Variants in TBL1XR1 observed in about 807,000 individuals in gnomAD.
The protein encoded by TBL1XR1 is F-box-like/WD repeat-containing protein TBL1XR1.
TBL1XR1 carries 5 observed loss-of-function variants against 66.9 expected under a neutral mutation model. The observed-to-expected ratio is 0.07, with a 90% CI of 0.04 to 0.16. The LOEUF (loss-of-function observed/expected upper bound fraction) is 0.16. Among genes scored for constraint, TBL1XR1 ranks in the 10% least tolerant of loss-of-function variants. The pLI is 1.00. For missense variants in TBL1XR1, 238 were observed against 623.2 expected (o/e 0.38, Z 6.58); for synonymous variants, 210 against 206.0 (o/e 1.02, Z -0.17).
intron 3 of TBL1XR1, among the ~76,000 whole-genome samples, chr3:177,055,872 A>G (rs1473700337): frequency 6.6e-6 from 1 of 152,234 alleles, no homozygotes; most frequent in African/African-American, 2.4e-5. Context: ...CAGAGGGCCT[A>G]TACCATATGC....
At position 177,189,641 on chromosome 3, in the gene TBL1XR1, CTCCATCTCAAAAAAAAAAAAAAA is replaced by C. The variant is rs147065366; in HGVS notation, c.-122+7457_-122+7479del. 7.0e-3 allele frequency among the ~76,000 whole-genome samples: 446 copies of C among 63,432 alleles called. 5 individuals are homozygous for C. Among genetic ancestry groups the C allele is most frequent in the African/African-American group, 0.049 (428 of 8,664 alleles). The allele number at this position is 63,432 out of a possible 152,430, so 41.6% of individuals were successfully genotyped here. A position where few individuals can be genotyped will look rare whatever the true frequency, so the allele number is the denominator to read the frequency against. ...AGCCAGTCTGGGAGACAGAGCAAGACTCCATCTCAAAAAAAAAAAAAAAAGAAGGATGTAACACCAAATTAGTT... is the reference window on the plus strand; with the variant it reads ...AGCCAGTCTGGGAGACAGAGCAAGACAGAAGGATGTAACACCAAATTAGTT... On this transcript the variant is annotated intron_variant, in intron 1 of 15. Transcript: ENST00000457928.
At chr3:177,052,875 G>A (rs921367200) in intron 4 of TBL1XR1, among the ~76,000 whole-genome samples, 4 of 152,076 alleles carry the variant, frequency 2.6e-5, no homozygotes, top group Non-Finnish European at 4.4e-5. Flanking sequence ...AGGCCGAGGT[G>A]GGCAGATTAC....
At chr3:177,107,982 A>T (rs966064396) in intron 1 of TBL1XR1, among the ~76,000 whole-genome samples, 1 of 151,956 alleles carries the variant, frequency 6.6e-6, no homozygotes, top group Admixed American at 6.6e-5. Context: ...ACAATACATT[A>T]AAAAATGAAT....
intron 1 of TBL1XR1, among the ~76,000 whole-genome samples, chr3:177,192,183 G>A (rs949175317): frequency 3.0e-4 from 45 of 151,698 alleles, no homozygotes; most frequent in Non-Finnish European, 7.4e-5. Context: ...AGATCACAAG[G>A]TCAAGAGATG....
At chr3:177,030,570 T>C (rs1035663377) in intron 14 of TBL1XR1, among the ~76,000 whole-genome samples, 22 of 152,118 alleles carry the variant, frequency 1.4e-4, no homozygotes, top group Non-Finnish European at 2.6e-4. Context: ...GTGAACACTT[T>C]ATCTGTATCT....
At chr3:177,067,269 C>T (rs1719291147) in intron 2 of TBL1XR1, among the ~76,000 whole-genome samples, 1 of 152,254 alleles carries the variant, frequency 6.6e-6, no homozygotes, top group Admixed American at 6.5e-5. Flanking sequence ...GAACAATTAG[C>T]AACTATTTTA....
At chr3:177,067,084 T>C (rs1461349320) in intron 2 of TBL1XR1, among the ~76,000 whole-genome samples, 2 of 152,208 alleles carry the variant, frequency 1.3e-5, no homozygotes, top group African/African-American at 2.4e-5. Flanking sequence ...TCCTCAACTT[T>C]AGCCTAACCA....
At chr3:177,119,514 A>G (rs980876113) in intron 1 of TBL1XR1, among the ~76,000 whole-genome samples, 1 of 152,176 alleles carries the variant, frequency 6.6e-6, no homozygotes, top group African/African-American at 2.4e-5. Context: ...TGAGGCAGAG[A>G]AACCTACATA....
At chr3:177,066,321 CAGA>C (rs1200609174) in intron 2 of TBL1XR1, among the ~76,000 whole-genome samples, 7 of 152,066 alleles carry the variant, frequency 4.6e-5, no homozygotes, top group Admixed American at 3.9e-4. Flanking sequence ...TGGACACACA[CAGA>C]AGAAGCCCTA....
At chr3:177,189,945 T>C (rs1647653901) in intron 1 of TBL1XR1, among the ~76,000 whole-genome samples, 1 of 151,334 alleles carries the variant, frequency 6.6e-6, no homozygotes, top group South Asian at 2.1e-4. Flanking sequence ...ACTAAGGAAA[T>C]AATGAAGAAA....
At chr3:177,128,168 A>G (rs1423413838) in intron 1 of TBL1XR1, among the ~76,000 whole-genome samples, 1 of 152,122 alleles carries the variant, frequency 6.6e-6, no homozygotes, top group Non-Finnish European at 1.5e-5. Flanking sequence ...GCAGTAAGCC[A>G]AGATCACACC....
At chr3:177,131,442 TC>T in intron 1 of TBL1XR1, 1 of 953,256 alleles carries the variant, frequency 1.0e-6, no homozygotes, top group Non-Finnish European at 1.2e-6. Flanking sequence ...AGATACTTAT[TC>T]CCACACCTAA....
chr3:177,107,021 C>CT (rs1488253836), intron 1 of TBL1XR1, among the ~76,000 whole-genome samples: 1 of 152,066 alleles, frequency 6.6e-6, no homozygotes, highest in Admixed American at 6.5e-5. Context: ...TAATGAACAC[C>CT]TTCTAAATGA....
At position 177,112,107 on chromosome 3, in the gene TBL1XR1, A is replaced by ATTTT. The variant is rs71170852; in HGVS notation, c.-121-13570_-121-13567dup. 1.2e-3 allele frequency among the ~76,000 whole-genome samples: 46 copies of ATTTT among 37,632 alleles called. 2 individuals carry two copies. Among genetic ancestry groups the ATTTT allele is most frequent in the Admixed American group, 1.6e-3 (4 of 2,524 alleles). The allele number at this position is 37,632 out of a possible 152,430, so 24.7% of individuals were successfully genotyped here. On this transcript the variant is annotated intron_variant, in intron 1 of 15. Coordinates refer to ENST00000457928, the MANE Select transcript of TBL1XR1 (RefSeq NM_024665.7). Reference sequence around the variant, plus strand: ...TATATATATATATATATATATATATATTTTTTTTTTTTTTTTTTGTGAGGG... The same window carrying ATTTT: ...TATATATATATATATATATATATATATTTTTTTTTTTTTTTTTTTTTTGTGAGGG...
chr3:177,058,548 A>C (rs566186274), intron 3 of TBL1XR1, among the ~76,000 whole-genome samples: 1 of 152,360 alleles, frequency 6.6e-6, no homozygotes, highest in East Asian at 1.9e-4. Flanking sequence ...TCCAATGATC[A>C]CTATTTTAAA....
At chr3:177,037,331 G>A (rs893161883) in intron 12 of TBL1XR1, 1 of 152,156 alleles carries the variant, frequency 6.6e-6, no homozygotes, top group African/African-American at 2.4e-5. Context: ...ACAATTTATA[G>A]CATGACCTTT....
intron 1 of TBL1XR1, among the ~76,000 whole-genome samples, chr3:177,193,681 T>C (rs1309038339): frequency 6.6e-6 from 1 of 152,160 alleles, no homozygotes; most frequent in South Asian, 2.1e-4. Context: ...CATTTACCCA[T>C]GTAATCACTC....
intron 1 of TBL1XR1, among the ~76,000 whole-genome samples, chr3:177,143,175 C>G (rs1008261781): frequency 4.0e-5 from 6 of 151,742 alleles, no homozygotes; most frequent in Non-Finnish European, 8.8e-5. Context: ...ATTAATCAAT[C>G]AACAATATAT....
intron 4 of TBL1XR1, 71 bp from the exon 5 acceptor site, chr3:177,051,797 T>C: frequency 7.5e-7 from 1 of 1,334,672 alleles, no homozygotes; most frequent in Non-Finnish European, 9.7e-7. Flanking sequence ...TTATACAAAA[T>C]CAGAAATGAA....
Sources: gnomAD v4.1 joint callset for allele counts (sites outside exome capture counted in the v4.1 genomes callset) on GRCh38, gnomAD v4.1.1 for gene constraint, MANE v1.5 for transcripts, NCBI Gene and HGNC (gene_info 2026-07-23, HGNC 2026-07-21) for gene names.